The following SYNE3 variants were observed in gnomAD, a reference collection of about 807,000 sequenced individuals.
The protein encoded by SYNE3 is spectrin repeat containing nuclear envelope family member 3.
In SYNE3, 100 loss-of-function variants were observed where a neutral mutation model predicts 111.2. The observed-to-expected ratio is 0.90, with a 90% confidence interval of 0.77 to 1.06. The LOEUF (loss-of-function observed/expected upper bound fraction) is 1.06. Ranked by LOEUF, SYNE3 falls within the 50% of genes least tolerant of loss-of-function variation. The probability of loss-of-function intolerance (pLI) is 0.00; values close to 1 mark genes in which losing one functional copy is unlikely to be tolerated. For missense variants in SYNE3, 1,160 were observed against 1,240.3 expected, an observed-to-expected ratio of 0.94 and a Z score of 0.97; for synonymous variants, 547 against 533.9, an observed-to-expected ratio of 1.02 and a Z score of -0.34.
intron 2 of SYNE3, among the ~76,000 whole-genome samples, chr14:95,469,055 A>G (rs1888364614): frequency 6.6e-6 from 1 of 152,124 alleles, no homozygotes; most frequent in South Asian, 2.1e-4. Context: ...CCCAGCCCAC[A>G]CCGCAACCCA....
chr14:95,439,947 C>G lies in SYNE3; in HGVS notation c.2040G>C (p.Pro680=), dbSNP rs184465424. The change falls in exon 12 of 18, where the codon CCG becomes CCC. Residue 680 remains proline (P), a synonymous_variant. Coordinates refer to ENST00000682763, the MANE Select transcript of SYNE3 (RefSeq NM_152592.6). ...CGGCCTCTTGGGACTCGGCATCCCC[C>G]GGGCCCGCCTCTCCCCGGTGTGCCT... ...KLEAHRGEAG[P]GDAESQEAEF... The G allele has an allele frequency of 2.5e-5, 40 of 1,613,442 alleles. No homozygotes were observed. The highest frequency in any genetic ancestry group is 3.2e-5 in the Non-Finnish European group (38 of 1,179,788).
rs1903601966 is a variant in SYNE3 at position 95,417,023 on chromosome 14, TG to T, written c.*802del. On this transcript the variant is annotated 3_prime_UTR_variant, in exon 18 of 18. Coordinates refer to ENST00000682763, the MANE Select transcript of SYNE3 (RefSeq NM_152592.6). Reference sequence around the variant, plus strand: ...CACAGAGCAGGATCTCACCGTTTCATGGGGGCTCGGTGTCATCACCAGGGAC... The same window carrying T: ...CACAGAGCAGGATCTCACCGTTTCATGGGGCTCGGTGTCATCACCAGGGAC... 1 of 152,362 alleles carries T rather than the reference TG, an allele frequency of 6.6e-6. No homozygotes were observed. The highest frequency in any genetic ancestry group is 6.5e-5 in the Admixed American group (1 of 15,302). The allele number at this position is 152,362 out of a possible 1,614,324, so 9.4% of individuals were successfully genotyped here.
chr14:95,483,564 G>T (rs995632743), intron 1 of SYNE3, among the ~76,000 whole-genome samples: 1 of 152,130 alleles, frequency 6.6e-6, no homozygotes, highest in Non-Finnish European at 1.5e-5. Context: ...TGCACCAAGA[G>T]GATAGACCTT....
At chr14:95,443,089 C>G in intron 11 of SYNE3, 66 bp downstream of exon 11, 2 of 1,593,228 alleles carry the variant, frequency 1.3e-6, no homozygotes, top group South Asian at 2.2e-5. Flanking sequence ...AAGAAAGGCC[C>G]CAGGCGTGTT....
At chr14:95,475,920 C>T in intron 1 of SYNE3, 85 bp from the exon 2 acceptor site, 1 of 1,280,658 alleles carries the variant, frequency 7.8e-7, no homozygotes, top group Non-Finnish European at 1.0e-6. Context: ...TGGGACAGGC[C>T]CACTCCCACC....
At chr14:95,483,755 A>G (rs183614741) in intron 1 of SYNE3, among the ~76,000 whole-genome samples, 248 of 152,332 alleles carry the variant, frequency 1.6e-3, no homozygotes, top group African/African-American at 5.7e-3. Flanking sequence ...CTTAGAGGTG[A>G]GCAGACAGAG....
intron 10 of SYNE3, chr14:95,443,606 G>A (rs1886530652): frequency 3.4e-6 from 1 of 292,130 alleles, no homozygotes; most frequent in African/African-American, 2.2e-5. Context: ...TCATTATGAG[G>A]AAACACGTCC....
chr14:95,468,831 A>G (rs953726557), intron 2 of SYNE3, among the ~76,000 whole-genome samples: 2 of 152,156 alleles, frequency 1.3e-5, no homozygotes, highest in African/African-American at 4.8e-5. Context: ...GCAAATAGTA[A>G]GTGTCCAAGT....
At position 95,439,271 on chromosome 14, in the gene SYNE3, C is replaced by A. The variant is rs1312927385; in HGVS notation, c.2247-109G>T. 3.3e-6 allele frequency: 5 copies of A among 1,497,112 alleles called. No homozygotes were observed. The East Asian group carries it at 1.1e-4, about 34-fold the overall frequency. 92.7% of individuals were successfully genotyped at this position (1,497,112 alleles called of 1,614,324 possible). A position where few individuals can be genotyped will look rare whatever the true frequency, so the allele number is the denominator to read the frequency against. On this transcript the variant is annotated intron_variant, in intron 13 of 17. Transcript: ENST00000682763. Reference sequence around the variant, plus strand: ...CCACGGGTCACGAGTCAGTGCCCCCCACTGAAGTTTGTGAGAATGTTCCTG... The same window carrying A: ...CCACGGGTCACGAGTCAGTGCCCCCAACTGAAGTTTGTGAGAATGTTCCTG...
At chr14:95,515,014 G>A (rs1462168791) in intron 1 of SYNE3, among the ~76,000 whole-genome samples, 1 of 152,242 alleles carries the variant, frequency 6.6e-6, no homozygotes, top group Admixed American at 6.5e-5. Flanking sequence ...TCACTCTGAA[G>A]TGTACCTGCA....
intron 1 of SYNE3, among the ~76,000 whole-genome samples, chr14:95,490,538 T>C (rs72692789): frequency 0.095 from 14,504 of 152,288 alleles, 732 homozygotes; most frequent in Non-Finnish European, 0.1. Context: ...AGAGCCAAGA[T>C]TGAACTTCAG....
chr14:95,458,371 C>T (rs1171083453), intron 4 of SYNE3, among the ~76,000 whole-genome samples: 3 of 152,210 alleles, frequency 2.0e-5, no homozygotes, highest in Non-Finnish European at 4.4e-5. Context: ...GCCCAAGTCC[C>T]CTCATCCATA....
In SYNE3 at chr14:95,516,617, G is replaced by A. The variant is rs939891414; in HGVS notation, c.-36C>T. Among the ~76,000 whole-genome samples the A allele has an allele frequency of 7.3e-5, 11 of 150,746 alleles. No individual in the cohort carries two copies. Among genetic ancestry groups the A allele is most frequent in the African/African-American group, 2.7e-4 (11 of 41,228 alleles). On this transcript the variant is annotated 5_prime_UTR_variant, in exon 1 of 18. Coordinates refer to ENST00000682763, the MANE Select transcript of SYNE3 (RefSeq NM_152592.6). ...TTACCCTCCCGGAGCGTGGAGGAGC[G>A]CGGCGCCGCGGGTAGCTGGGGCCGA...
chr14:95,467,734 A>C lies in SYNE3; in HGVS notation c.317+61T>G, dbSNP rs1888275868. On this transcript the variant is annotated intron_variant, in intron 3 of 17. Transcript: ENST00000682763. ...GTCTCTTGGGCAGAGGGCCCAAGCT[A>C]GTGTCACAGTGGGCAAGGAGGGTAA... is the stretch of plus-strand genomic sequence containing the variant. 2.5e-6 allele frequency: 4 copies of C among 1,584,998 alleles called. No individual in the cohort carries two copies. In the Admixed American group the frequency reaches 6.9e-5, roughly 27 times the overall value.
At chr14:95,484,233 A>ATG (rs1230460530) in intron 1 of SYNE3, among the ~76,000 whole-genome samples, 1 of 152,130 alleles carries the variant, frequency 6.6e-6, no homozygotes, top group African/African-American at 2.4e-5. Context: ...GGCAGAGTGT[A>ATG]TGCAAGGTAA....
chr14:95,502,187 C>T (rs549199229), intron 1 of SYNE3, among the ~76,000 whole-genome samples: 1 of 152,234 alleles, frequency 6.6e-6, no homozygotes, highest in East Asian at 1.9e-4. Flanking sequence ...TTGGGCAAAC[C>T]AGGGACAGTT....
intron 4 of SYNE3, among the ~76,000 whole-genome samples, chr14:95,464,739 T>C (rs1037222603): frequency 6.6e-5 from 10 of 152,216 alleles, no homozygotes; most frequent in African/African-American, 2.4e-4. Flanking sequence ...TGCAGGCTTC[T>C]GCAGATGCAT....
At position 95,467,676 on chromosome 14, in the gene SYNE3, T is replaced by C. The variant is rs1462234272; in HGVS notation, c.317+119A>G. On this transcript the variant is annotated intron_variant, in intron 3 of 17. Coordinates refer to ENST00000682763, the MANE Select transcript of SYNE3 (RefSeq NM_152592.6). ...GGCTGGCCCTAATCCCAAGAGAATA[T>C]CCTGTCCCCCAGAATCCCAGGACTG... 3.2e-6 allele frequency: 4 copies of C among 1,259,154 alleles called. No individual in the cohort carries two copies. The East Asian group carries it at 7.6e-5, about 24-fold the overall frequency. The allele number at this position is 1,259,154 out of a possible 1,614,324, so 78.0% of individuals were successfully genotyped here.
chr14:95,458,834 A>G (rs184461141), intron 4 of SYNE3, among the ~76,000 whole-genome samples: 50 of 152,324 alleles, frequency 3.3e-4, no homozygotes, highest in Admixed American at 3.0e-3. Flanking sequence ...AAAGTTTCCA[A>G]AGAGAGCCAA....
Sources: allele counts gnomAD v4.1 joint callset (sites outside exome capture counted in the v4.1 genomes callset), GRCh38; gene constraint gnomAD v4.1.1; transcripts MANE v1.5; gene names NCBI Gene and HGNC (gene_info 2026-07-23, HGNC 2026-07-21).